TMPRSS11E: variants seen among roughly 807,000 people sequenced by gnomAD.
TMPRSS11E encodes transmembrane protease serine 11E.
In TMPRSS11E, 38 loss-of-function variants were observed where a neutral mutation model predicts 48.1. The ratio of observed to expected loss-of-function variants is 0.79; its 90% CI spans 0.61 to 1.04. The LOEUF is 1.04. TMPRSS11E is among the 50% of genes least tolerant of loss of function. The probability of loss-of-function intolerance (pLI) is 0.00; values close to 1 mark genes in which losing one functional copy is unlikely to be tolerated. For missense variants in TMPRSS11E, 530 were observed against 510.8 expected, an observed-to-expected ratio of 1.04 and a Z score of -0.36; for synonymous variants, 158 against 171.9, an observed-to-expected ratio of 0.92 and a Z score of 0.63.
intron 9 of TMPRSS11E, among the ~76,000 whole-genome samples, chr4:68,490,743 A>G (rs1482891913): frequency 7.3e-6 from 1 of 136,462 alleles, no homozygotes; most frequent in African/African-American, 2.8e-5. Context: ...CTTCCCACTC[A>G]GCATATTCTT....
intron 9 of TMPRSS11E, among the ~76,000 whole-genome samples, chr4:68,493,597 G>C (rs1729790336): frequency 1.3e-5 from 2 of 152,012 alleles, no homozygotes; most frequent in Non-Finnish European, 2.9e-5. Flanking sequence ...CTCCTGAGTA[G>C]CTGAGATTAC....
At chr4:68,488,975 A>ATGTCTGTC (rs1169885761) in intron 9 of TMPRSS11E, among the ~76,000 whole-genome samples, 1 of 152,016 alleles carries the variant, frequency 6.6e-6, no homozygotes, top group Non-Finnish European at 1.5e-5. Flanking sequence ...TCTGAATTCC[A>ATGTCTGTC]TGTCTGTCAT....
intron 6 of TMPRSS11E, 77 bp downstream of exon 6, chr4:68,474,838 TG>T (rs1729167493): frequency 8.4e-7 from 1 of 1,194,880 alleles, no homozygotes; most frequent in African/African-American, 1.6e-5. Flanking sequence ...AGGTTTACTT[TG>T]TGTTGATATC....
At chr4:68,450,370 G>A (rs1458191287) in intron 1 of TMPRSS11E, among the ~76,000 whole-genome samples, 1 of 151,918 alleles carries the variant, frequency 6.6e-6, no homozygotes, top group Non-Finnish European at 1.5e-5. Flanking sequence ...AAAAGATGAA[G>A]CACCTGTGGC....
intron 1 of TMPRSS11E, among the ~76,000 whole-genome samples, chr4:68,454,692 C>G (rs1204888146): frequency 6.6e-5 from 10 of 151,754 alleles, no homozygotes; most frequent in Non-Finnish European, 1.5e-5. Context: ...TCTAGACTGT[C>G]TAAAGAATTC....
intron 9 of TMPRSS11E, 134 bp from the exon 10 acceptor site, chr4:68,496,509 A>G (rs1729868326): frequency 2.3e-6 from 2 of 867,178 alleles, no homozygotes; most frequent in Non-Finnish European, 3.6e-6. Context: ...AGATGGAGAA[A>G]ATCACTTATG....
At chr4:68,481,069 TCCTG>T (rs1252643669) in intron 9 of TMPRSS11E, among the ~76,000 whole-genome samples, 2 of 152,230 alleles carry the variant, frequency 1.3e-5, no homozygotes, top group African/African-American at 4.8e-5. Flanking sequence ...GGTTTTCTGT[TCCTG>T]CATTCATTTG....
intron 1 of TMPRSS11E, among the ~76,000 whole-genome samples, chr4:68,457,282 C>G (rs997830495): frequency 1.3e-5 from 2 of 152,002 alleles, no homozygotes. Context: ...ATGCAGCCAA[C>G]AAACATATGA....
At chr4:68,471,959 T>C (rs573005631) in intron 5 of TMPRSS11E, among the ~76,000 whole-genome samples, 107 of 152,058 alleles carry the variant, frequency 7.0e-4, no homozygotes, top group Non-Finnish European at 1.3e-3. Flanking sequence ...GAGGGTGTGG[T>C]ATATGGAAAG....
At chr4:68,484,508 ATGT>A (rs1729497814) in intron 9 of TMPRSS11E, among the ~76,000 whole-genome samples, 1 of 151,994 alleles carries the variant, frequency 6.6e-6, no homozygotes, top group Non-Finnish European at 1.5e-5. Flanking sequence ...GAGTCTTGCC[ATGT>A]TGCTCATGCT....
intron 6 of TMPRSS11E, among the ~76,000 whole-genome samples, chr4:68,475,440 A>G (rs1729185299): frequency 6.6e-6 from 1 of 152,176 alleles, no homozygotes; most frequent in Non-Finnish European, 1.5e-5. Context: ...TCACCAGCTC[A>G]TATAGTTGGT....
intron 1 of TMPRSS11E, among the ~76,000 whole-genome samples, chr4:68,455,983 T>G (rs1372471955): frequency 1.3e-5 from 2 of 151,980 alleles, no homozygotes; most frequent in Non-Finnish European, 2.9e-5. Context: ...CCTATCTGTA[T>G]GTAGTTGCAA....
At chr4:68,447,792 A>T (rs1355314623) in intron 1 of TMPRSS11E, among the ~76,000 whole-genome samples, 1 of 151,902 alleles carries the variant, frequency 6.6e-6, no homozygotes, top group African/African-American at 2.4e-5. Flanking sequence ...ATGGTGTTTG[A>T]CAGCTGTCTT....
chr4:68,468,550 A>T (rs544443146), intron 3 of TMPRSS11E, among the ~76,000 whole-genome samples: 50 of 152,224 alleles, frequency 3.3e-4, no homozygotes, highest in African/African-American at 1.1e-3. Flanking sequence ...GGGCAGTAAA[A>T]GTCCTTACTT....
chr4:68,495,394 T>C (rs545531538), intron 9 of TMPRSS11E, among the ~76,000 whole-genome samples: 1 of 152,244 alleles, frequency 6.6e-6, no homozygotes, highest in South Asian at 2.1e-4. Flanking sequence ...TGATTTTCTC[T>C]GCCTGCATAT....
At chr4:68,476,132 C>A in intron 6 of TMPRSS11E, 129 bp from the exon 7 acceptor site, 1 of 1,216,344 alleles carries the variant, frequency 8.2e-7, no homozygotes. Context: ...AAGGTAAGAG[C>A]ATGAGAAAAC....
Position 68,467,317 on chromosome 4 carries a change from T to C in TMPRSS11E, c.258+565T>C, listed in dbSNP as rs575341220. Among the ~76,000 whole-genome samples the C allele has an allele frequency of 1.5e-4, 23 of 152,228 alleles. No individual in the cohort carries two copies. The East Asian group carries it at 3.9e-3, about 26-fold the overall frequency. On this transcript the variant is annotated intron_variant, in intron 3 of 9. Transcript: ENST00000305363. ...CAACTCTACCCTTAACGCATCAACA[T>C]TCATCTTGAGGGATCAATTAAATAC...
intron 2 of TMPRSS11E, among the ~76,000 whole-genome samples, chr4:68,463,182 G>A (rs945522808): frequency 2.0e-5 from 3 of 152,122 alleles, no homozygotes; most frequent in African/African-American, 7.2e-5. Context: ...AAGCAAGGTG[G>A]ATCATTTCTG....
Position 68,490,189 on chromosome 4 carries a change from G to A in TMPRSS11E, c.1111-6454G>A, listed in dbSNP as rs143629535. 3.9e-3 allele frequency among the ~76,000 whole-genome samples: 589 copies of A among 152,090 alleles called. 5 individuals are homozygous for A. Among genetic ancestry groups the A allele is most frequent in the African/African-American group, 0.014 (572 of 41,476 alleles). Reference sequence around the variant, plus strand: ...CCAGCTTCCTTCCCTTTCAGCCTGGGGTCTGCATTCTCCTTCCATCAACTC... The same window carrying A: ...CCAGCTTCCTTCCCTTTCAGCCTGGAGTCTGCATTCTCCTTCCATCAACTC... On this transcript the variant is annotated intron_variant, in intron 9 of 9. Coordinates refer to ENST00000305363, the MANE Select transcript of TMPRSS11E (RefSeq NM_014058.4).
Sources: allele counts gnomAD v4.1 joint callset (sites outside exome capture counted in the v4.1 genomes callset), GRCh38; gene constraint gnomAD v4.1.1; transcripts MANE v1.5; gene names NCBI Gene and HGNC (gene_info 2026-07-23, HGNC 2026-07-21).